AGBL4: variants seen among roughly 807,000 people sequenced by gnomAD.
AGBL4 encodes AGBL carboxypeptidase 4, also known as cytosolic carboxypeptidase 6.
In AGBL4, 58 loss-of-function variants were observed where a neutral mutation model predicts 66.4. The ratio of observed to expected loss-of-function variants is 0.87; its 90% CI spans 0.71 to 1.09. The LOEUF (loss-of-function observed/expected upper bound fraction) is 1.09, where lower values mean the gene tolerates loss of function less well. Among genes scored for constraint, AGBL4 ranks in the 50% least tolerant of loss-of-function variants. The probability of loss-of-function intolerance (pLI) is 0.00; values close to 1 mark genes in which losing one functional copy is unlikely to be tolerated. For synonymous variants in AGBL4, 234 were observed against 222.9 expected (o/e 1.05, Z -0.44); for missense variants, 579 against 631.0 (o/e 0.92, Z 0.88).
At chr1:49,651,466 T>G (rs890152829) in intron 3 of AGBL4, among the ~76,000 whole-genome samples, 1 of 152,150 alleles carries the variant, frequency 6.6e-6, no homozygotes, top group African/African-American at 2.4e-5. Context: ...ATAGAGCTAA[T>G]GTAAGACAGA....
intron 5 of AGBL4, among the ~76,000 whole-genome samples, chr1:48,977,849 T>C (rs1272917058): frequency 2.6e-5 from 4 of 152,126 alleles, no homozygotes; most frequent in Non-Finnish European, 4.4e-5. Context: ...CTGTGCCCAA[T>C]AACAAAAGTT....
intron 4 of AGBL4, among the ~76,000 whole-genome samples, chr1:49,091,352 G>C (rs1394094963): frequency 2.0e-5 from 3 of 152,086 alleles, no homozygotes; most frequent in African/African-American, 7.2e-5. Flanking sequence ...CTGACATCCA[G>C]AGTCTATAAG....
intron 5 of AGBL4, among the ~76,000 whole-genome samples, chr1:48,914,972 T>G (rs1653462667): frequency 6.6e-6 from 1 of 152,234 alleles, no homozygotes; most frequent in Non-Finnish European, 1.5e-5. Context: ...GACCCCACAC[T>G]AAACCAATTA....
intron 3 of AGBL4, among the ~76,000 whole-genome samples, chr1:49,425,388 G>A (rs970937015): frequency 2.0e-5 from 3 of 151,886 alleles, no homozygotes; most frequent in Non-Finnish European, 4.4e-5. Context: ...AAAAGTGTAG[G>A]AAAAATTATT....
chr1:49,040,186 AAAG>A (rs1039494868), intron 5 of AGBL4, among the ~76,000 whole-genome samples: 58 of 152,186 alleles, frequency 3.8e-4, no homozygotes, highest in African/African-American at 1.4e-3. Flanking sequence ...ACACTTCACC[AAAG>A]AAGATTTATG....
chr1:48,716,723 G>A (rs1484887848), intron 6 of AGBL4, among the ~76,000 whole-genome samples: 2 of 152,202 alleles, frequency 1.3e-5, no homozygotes, highest in African/African-American at 4.8e-5. Flanking sequence ...GGAGCAAGGC[G>A]GTGGGTCAGT....
chr1:49,342,958 G>A (rs1011112981), intron 3 of AGBL4, among the ~76,000 whole-genome samples: 13 of 152,118 alleles, frequency 8.5e-5, no homozygotes, highest in Non-Finnish European at 2.9e-5. Context: ...CAGAAATATT[G>A]GCCCTTTGTC....
At chr1:48,624,291 T>C (rs765379199) in intron 9 of AGBL4, among the ~76,000 whole-genome samples, 33 of 152,256 alleles carry the variant, frequency 2.2e-4, no homozygotes, top group Middle Eastern at 3.4e-3. Flanking sequence ...GAGACTGCAA[T>C]GAATTTCTCT....
intron 3 of AGBL4, among the ~76,000 whole-genome samples, chr1:49,427,462 A>C (rs1479565778): frequency 6.6e-6 from 1 of 152,192 alleles, no homozygotes; most frequent in Admixed American, 6.5e-5. Context: ...TGTGTCTGGA[A>C]TTGGTTCCTT....
intron 2 of AGBL4, among the ~76,000 whole-genome samples, chr1:49,706,545 C>T (rs1221423789): frequency 2.0e-5 from 3 of 152,072 alleles, no homozygotes; most frequent in African/African-American, 4.8e-5. Flanking sequence ...TCTCTATCTC[C>T]TTCAGTTCTG....
intron 1 of AGBL4, among the ~76,000 whole-genome samples, chr1:50,021,666 C>A (rs1038673406): frequency 6.6e-6 from 1 of 152,200 alleles, no homozygotes; most frequent in African/African-American, 2.4e-5. Context: ...ATCTCCACTG[C>A]TACCTTCTAA....
intron 6 of AGBL4, among the ~76,000 whole-genome samples, chr1:48,737,280 T>A (rs1475697357): frequency 6.6e-6 from 1 of 151,742 alleles, no homozygotes; most frequent in Non-Finnish European, 1.5e-5. Context: ...CGAGACTCCG[T>A]CTCAAAAAGA....
chr1:49,138,219 C>T (rs550661404), intron 4 of AGBL4, among the ~76,000 whole-genome samples: 6 of 152,032 alleles, frequency 3.9e-5, no homozygotes, highest in African/African-American at 7.2e-5. Context: ...GAGTAAACAA[C>T]GTCCAAAGAG....
chr1:49,565,704 T>G (rs1327790182), intron 3 of AGBL4, among the ~76,000 whole-genome samples: 1 of 152,204 alleles, frequency 6.6e-6, no homozygotes, highest in African/African-American at 2.4e-5. Flanking sequence ...CCTTTGTGGG[T>G]AACCCAACCT....
At chr1:49,512,351 A>G (rs1649347173) in intron 3 of AGBL4, among the ~76,000 whole-genome samples, 1 of 152,012 alleles carries the variant, frequency 6.6e-6, no homozygotes, top group Non-Finnish European at 1.5e-5. Flanking sequence ...AAATTGAAAT[A>G]TTAATACTTG....
intron 5 of AGBL4, among the ~76,000 whole-genome samples, chr1:49,003,971 CCAAATTTGAT>C (rs1252614511): frequency 1.3e-5 from 2 of 152,150 alleles, no homozygotes; most frequent in Non-Finnish European, 2.9e-5. Context: ...TGGTTTCTTA[CCAAATTTGAT>C]CAAATTCCAG....
chr1:49,432,634 TTTATA>T (rs140143684), intron 3 of AGBL4, among the ~76,000 whole-genome samples: 2,808 of 152,288 alleles, frequency 0.018, 75 homozygotes, highest in African/African-American at 0.063. Context: ...GGTTTTACTT[TTTATA>T]TTATATAAAT....
intron 4 of AGBL4, among the ~76,000 whole-genome samples, chr1:49,081,163 T>C (rs1328512136): frequency 1.3e-5 from 2 of 152,308 alleles, no homozygotes; most frequent in East Asian, 3.9e-4. Flanking sequence ...AACAGCTCAT[T>C]TGAACAACAA....
At chr1:49,499,657 C>T (rs1647949502) in intron 3 of AGBL4, among the ~76,000 whole-genome samples, 1 of 151,844 alleles carries the variant, frequency 6.6e-6, no homozygotes, top group Non-Finnish European at 1.5e-5. Context: ...ATAATGGTCT[C>T]CAATTCCATA....
Sources: allele counts gnomAD v4.1 joint callset (sites outside exome capture counted in the v4.1 genomes callset), GRCh38; gene constraint gnomAD v4.1.1; transcripts MANE v1.5; gene names NCBI Gene and HGNC (gene_info 2026-07-23, HGNC 2026-07-21).